The following PLA2R1 variants were observed in gnomAD, a reference collection of about 807,000 sequenced individuals.
PLA2R1 encodes the protein secretory phospholipase A2 receptor.
A neutral mutation model predicts 195.9 loss-of-function variants in PLA2R1; 158 were observed. The ratio of observed to expected loss-of-function variants is 0.81; its 90% CI spans 0.71 to 0.92. The LOEUF (loss-of-function observed/expected upper bound fraction) is 0.92, where lower values mean the gene tolerates loss of function less well. Ranked by LOEUF, PLA2R1 falls within the 40% of genes least tolerant of loss-of-function variation. The pLI is 0.00. For missense variants in PLA2R1, 1,626 were observed against 1,764.6 expected (o/e 0.92, Z 1.41); for synonymous variants, 586 against 598.2 (o/e 0.98, Z 0.30).
chr2:159,942,951 T>C (rs1040608585), intron 28 of PLA2R1, among the ~76,000 whole-genome samples: 1 of 151,350 alleles, frequency 6.6e-6, no homozygotes, highest in African/African-American at 2.4e-5. Context: ...AGCAAAACCA[T>C]ACTTTTAAAA....
At chr2:159,985,781 T>C (rs1298883910) in intron 12 of PLA2R1, among the ~76,000 whole-genome samples, 2 of 152,164 alleles carry the variant, frequency 1.3e-5, no homozygotes, top group African/African-American at 2.4e-5. Context: ...TGAACAATAT[T>C]GACTGGGGCC....
intron 23 of PLA2R1, among the ~76,000 whole-genome samples, chr2:159,953,749 A>T (rs1266995061): frequency 6.6e-6 from 1 of 152,268 alleles, no homozygotes; most frequent in East Asian, 1.9e-4. Flanking sequence ...CAGAGGGCAC[A>T]TTCCAAGAAT....
chr2:160,041,383 A>G (rs1402765897), intron 3 of PLA2R1, among the ~76,000 whole-genome samples: 1 of 152,210 alleles, frequency 6.6e-6, no homozygotes, highest in Non-Finnish European at 1.5e-5. Context: ...TAAAAATAAA[A>G]TGAAATAATA....
chr2:159,949,518 T>C (rs1019342041), intron 25 of PLA2R1, 90 bp downstream of exon 25: 2 of 891,780 alleles, frequency 2.2e-6, no homozygotes, highest in African/African-American at 3.3e-5. Flanking sequence ...CTTCTTACTA[T>C]ACTCATCCTC....
rs1484844631 is a variant in PLA2R1 at position 160,013,280 on chromosome 2, A to T, written c.1647T>A (p.Leu549=). ...TAATTTACCTGTTTGTAATGGTTAC[A>T]AGTGCAGGAGGACAGTAATAACCGC... ...ASSGYYCPPA[L]VTITNRFEQA... Residue 549 remains leucine (L), a synonymous_variant, in exon 10 of 30, where the codon CTT becomes CTA. Transcript: ENST00000283243. 1 of 1,593,428 alleles carries T rather than the reference A, an allele frequency of 6.3e-7. No individual in the cohort carries two copies. The highest frequency in any genetic ancestry group is 8.6e-7 in the Non-Finnish European group (1 of 1,161,700).
At chr2:160,010,160 A>T (rs561577512) in intron 10 of PLA2R1, among the ~76,000 whole-genome samples, 1 of 152,292 alleles carries the variant, frequency 6.6e-6, no homozygotes, top group African/African-American at 2.4e-5. Flanking sequence ...ATATTGCAGA[A>T]TTTCTCACTT....
rs374804033 is a variant in PLA2R1, at chr2:159,987,203, A to T, written c.1990T>A (p.Cys664Ser). 6.2e-6 allele frequency: 10 copies of T among 1,613,842 alleles called. No individual in the cohort carries two copies. Among genetic ancestry groups the T allele is most frequent in the Non-Finnish European group, 8.5e-6 (10 of 1,179,942 alleles). Residue 664 changes from cysteine (C) to serine (S), a missense_variant, in exon 12 of 30, where the codon TGC becomes AGC. Coordinates refer to ENST00000283243, the MANE Select transcript of PLA2R1 (RefSeq NM_007366.5). ...EYEERWPFHP[C>S]YLDWESEPGL... Reference sequence around the variant, plus strand: ...GGCTCTGACTCCCAGTCCAAATAGCAGGGGTGAAAGGGCCATCTCTCTTCA... The same window carrying T: ...GGCTCTGACTCCCAGTCCAAATAGCTGGGGTGAAAGGGCCATCTCTCTTCA...
chr2:159,930,540 T>G (rs1400407234), downstream of PLA2R1, among the ~76,000 whole-genome samples: 3 of 152,128 alleles, frequency 2.0e-5, no homozygotes, highest in Non-Finnish European at 4.4e-5. Context: ...CCCAAACCCC[T>G]TGGAAATTAT....
chr2:160,022,680 T>C lies in PLA2R1; in HGVS notation c.1279A>G (p.Thr427Ala). The change falls in exon 7 of 30, where the codon ACC becomes GCC. Residue 427 changes from threonine to alanine, a missense_variant. Thr to Ala is a moderately conservative substitution (Grantham distance 58). Coordinates refer to ENST00000283243, the MANE Select transcript of PLA2R1 (RefSeq NM_007366.5). Reference protein sequence around the residue: ...TSLAEVEFLVTLLGDENASET... With the variant: ...TSLAEVEFLVALLGDENASET... Reference sequence around the variant, plus strand: ...TGGGACTCACCATCTCCAAGGAGGGTTACAAGAAACTCCACCTCTGCTAAT... The same window carrying C: ...TGGGACTCACCATCTCCAAGGAGGGCTACAAGAAACTCCACCTCTGCTAAT... 6.3e-7 allele frequency: 1 copy of C among 1,595,512 alleles called. No individual in the cohort carries two copies. Among genetic ancestry groups the C allele is most frequent in the South Asian group, 1.1e-5 (1 of 87,786 alleles).
Position 159,938,808 on chromosome 2 carries a change from CTG to C in PLA2R1, c.*2968_*2969del, listed in dbSNP as rs1349409731. Reference sequence around the variant, plus strand: ...AGAAGAGTAAAGAAACTCCAAAAGACTGAACGTTTAAGTAAACATTCAGTTCA... The same window carrying C: ...AGAAGAGTAAAGAAACTCCAAAAGACAACGTTTAAGTAAACATTCAGTTCA... On this transcript the variant is annotated 3_prime_UTR_variant, in exon 30 of 30. Coordinates refer to ENST00000283243, the MANE Select transcript of PLA2R1 (RefSeq NM_007366.5). 1.3e-5 allele frequency: 2 copies of C among 152,310 alleles called. No individual in the cohort carries two copies. The highest frequency in any genetic ancestry group is 1.5e-5 in the Non-Finnish European group (1 of 68,020). The allele number at this position is 152,310 out of a possible 1,614,324, so 9.4% of individuals were successfully genotyped here.
At chr2:160,039,155 T>C (rs1182623051) in intron 3 of PLA2R1, among the ~76,000 whole-genome samples, 1 of 152,160 alleles carries the variant, frequency 6.6e-6, no homozygotes, top group African/African-American at 2.4e-5. Context: ...TGTGAGCCAC[T>C]GTGCCCAGCC....
chr2:159,982,858 G>C (rs952941731), intron 13 of PLA2R1, among the ~76,000 whole-genome samples: 2 of 152,152 alleles, frequency 1.3e-5, no homozygotes, highest in Non-Finnish European at 2.9e-5. Context: ...TATTATGGTT[G>C]TTTTCATTAA....
At chr2:159,955,675 A>G (rs2105163065) in intron 22 of PLA2R1, 23 bp downstream of exon 22, 2 of 1,325,820 alleles carry the variant, frequency 1.5e-6, no homozygotes, top group East Asian at 5.4e-5. Flanking sequence ...AGTGATCTCC[A>G]AAAAATAAAT....
intron 6 of PLA2R1, among the ~76,000 whole-genome samples, chr2:160,025,514 A>T (rs1386725873): frequency 6.6e-6 from 1 of 151,472 alleles, no homozygotes; most frequent in Non-Finnish European, 1.5e-5. Flanking sequence ...GTATGCAACT[A>T]AAGTTAAGCA....
chr2:160,059,907 C>A (rs1337102730), intron 1 of PLA2R1, among the ~76,000 whole-genome samples: 1 of 152,160 alleles, frequency 6.6e-6, no homozygotes, highest in Non-Finnish European at 1.5e-5. Flanking sequence ...ATTCAATTAC[C>A]TCCCCCTGGG....
At chr2:160,039,061 T>C (rs1694357211) in intron 3 of PLA2R1, among the ~76,000 whole-genome samples, 1 of 152,064 alleles carries the variant, frequency 6.6e-6, no homozygotes, top group Non-Finnish European at 1.5e-5. Flanking sequence ...AGATGGGATT[T>C]CACCATGTTG....
At chr2:160,018,778 C>T (rs1414843034) in intron 8 of PLA2R1, among the ~76,000 whole-genome samples, 5 of 152,238 alleles carry the variant, frequency 3.3e-5, no homozygotes, top group Non-Finnish European at 7.3e-5. Flanking sequence ...ATTGTTACTG[C>T]ACTGTACAAT....
At chr2:160,031,450 G>A (rs1051483545) in intron 4 of PLA2R1, among the ~76,000 whole-genome samples, 25 of 152,192 alleles carry the variant, frequency 1.6e-4, no homozygotes, top group Non-Finnish European at 2.6e-4. Context: ...AACTGTGTAC[G>A]TAGTTGTTGT....
chr2:160,008,725 C>T (rs1159842751), intron 10 of PLA2R1, among the ~76,000 whole-genome samples: 2 of 152,068 alleles, frequency 1.3e-5, no homozygotes, highest in African/African-American at 2.4e-5. Context: ...AAAAACTTTG[C>T]ACATCAAAGG....
Sources: gnomAD v4.1 joint callset for allele counts (sites outside exome capture counted in the v4.1 genomes callset) on GRCh38, gnomAD v4.1.1 for gene constraint, MANE v1.5 for transcripts, NCBI Gene and HGNC (gene_info 2026-07-23, HGNC 2026-07-21) for gene names.